The following UNC5C variants were observed in gnomAD, a reference collection of about 807,000 sequenced individuals.
The protein encoded by UNC5C is netrin receptor UNC5C.
In UNC5C, 47 loss-of-function variants were observed where a neutral mutation model predicts 99.8. That is an observed-to-expected ratio of 0.47 (90% CI 0.37 to 0.60). UNC5C has a LOEUF of 0.60. Among genes scored for constraint, UNC5C ranks in the 20% least tolerant of loss-of-function variants. UNC5C has a pLI of 0.00. For synonymous variants in UNC5C, 487 were observed against 452.2 expected (o/e 1.08, Z -0.98); for missense variants, 1,062 against 1,165.9 (o/e 0.91, Z 1.30).
At chr4:95,211,715 G>C (rs530778819) in intron 10 of UNC5C, among the ~76,000 whole-genome samples, 1 of 152,172 alleles carries the variant, frequency 6.6e-6, no homozygotes, top group South Asian at 2.1e-4. Flanking sequence ...CTAACCGCTC[G>C]CCTACTTTAT....
chr4:95,265,243 C>T (rs923508088), intron 4 of UNC5C, among the ~76,000 whole-genome samples: 2 of 152,176 alleles, frequency 1.3e-5, no homozygotes, highest in African/African-American at 4.8e-5. Flanking sequence ...TCTATTCATA[C>T]TTCCAATTAC....
At chr4:95,300,647 A>AT (rs1261079122) in intron 3 of UNC5C, among the ~76,000 whole-genome samples, 2 of 152,200 alleles carry the variant, frequency 1.3e-5, no homozygotes, top group Non-Finnish European at 2.9e-5. Flanking sequence ...TTCCTACTAG[A>AT]TTTTTTACAA....
At chr4:95,251,851 C>A (rs1472404782) in intron 4 of UNC5C, among the ~76,000 whole-genome samples, 3 of 152,028 alleles carry the variant, frequency 2.0e-5, no homozygotes, top group African/African-American at 7.3e-5. Flanking sequence ...CTCCTCTAAT[C>A]CTTAGAAGAG....
chr4:95,271,979 C>T (rs1740682372), intron 4 of UNC5C, among the ~76,000 whole-genome samples: 1 of 152,170 alleles, frequency 6.6e-6, no homozygotes, highest in Admixed American at 6.5e-5. Flanking sequence ...GCTCCCATCA[C>T]CTGGAGCTTT....
intron 4 of UNC5C, among the ~76,000 whole-genome samples, chr4:95,253,821 C>T (rs929714537): frequency 6.6e-6 from 1 of 152,140 alleles, no homozygotes; most frequent in African/African-American, 2.4e-5. Context: ...GCAGGCCGCC[C>T]CTCACCTCCT....
At chr4:95,495,690 T>C (rs1721611444) in intron 1 of UNC5C, among the ~76,000 whole-genome samples, 2 of 151,574 alleles carry the variant, frequency 1.3e-5, no homozygotes, top group Non-Finnish European at 3.0e-5. Flanking sequence ...AAATGGCTAT[T>C]AAATGGCAGA....
chr4:95,318,064 G>A (rs1162413520), intron 2 of UNC5C, among the ~76,000 whole-genome samples: 2 of 152,184 alleles, frequency 1.3e-5, no homozygotes, highest in Non-Finnish European at 2.9e-5. Flanking sequence ...GAGATGAACA[G>A]CCTGGGAGGA....
At chr4:95,542,996 G>A (rs998462496) in intron 1 of UNC5C, among the ~76,000 whole-genome samples, 6 of 151,810 alleles carry the variant, frequency 4.0e-5, no homozygotes, top group Admixed American at 2.6e-4. Context: ...TTTGAATATC[G>A]CTCAAGGCAA....
Position 95,399,902 on chromosome 4 carries a change from A to G in UNC5C, c.125-64271T>C, listed in dbSNP as rs575587520. The stretch of plus-strand genomic sequence containing the variant: ...TTTGTCTTTCATGTTAGTCTTCCCC[A>G]TTAGACTATGCTTTACAGCTATAGG... On this transcript the variant is annotated intron_variant, in intron 1 of 15. Coordinates refer to ENST00000453304, the MANE Select transcript of UNC5C (RefSeq NM_003728.4). Among the ~76,000 whole-genome samples, 83 of 152,258 alleles carry G rather than the reference A, an allele frequency of 5.5e-4. 1 individual carries two copies. The South Asian group carries it at 0.016, about 30-fold the overall frequency.
At chr4:95,436,996 T>TG (rs1746813845) in intron 1 of UNC5C, among the ~76,000 whole-genome samples, 3 of 79,524 alleles carry the variant, frequency 3.8e-5, no homozygotes, top group African/African-American at 1.4e-4. Context: ...TTTTCTTTCT[T>TG]GAAAAAAAAA....
At chr4:95,393,584 A>G (rs1460810263) in intron 1 of UNC5C, among the ~76,000 whole-genome samples, 2 of 152,176 alleles carry the variant, frequency 1.3e-5, no homozygotes, top group African/African-American at 4.8e-5. Context: ...ATTTCCAAAT[A>G]TTTAATTTTT....
intron 1 of UNC5C, among the ~76,000 whole-genome samples, chr4:95,448,542 A>G (rs188208783): frequency 6.6e-6 from 1 of 152,314 alleles, no homozygotes; most frequent in Admixed American, 6.5e-5. Flanking sequence ...AGGAAAGATA[A>G]GCAAAATGTC....
At chr4:95,377,662 G>T (rs552487987) in intron 1 of UNC5C, among the ~76,000 whole-genome samples, 1 of 152,166 alleles carries the variant, frequency 6.6e-6, no homozygotes, top group East Asian at 1.9e-4. Flanking sequence ...AGCAAAGAAA[G>T]ACCTCTCTCT....
intron 12 of UNC5C, among the ~76,000 whole-genome samples, chr4:95,191,807 T>C (rs1737112552): frequency 1.7e-5 from 2 of 118,664 alleles, no homozygotes; most frequent in Non-Finnish European, 3.5e-5. Flanking sequence ...TCTCACCTTC[T>C]CCCCTGCTCA....
intron 1 of UNC5C, among the ~76,000 whole-genome samples, chr4:95,406,045 A>AATGAAGATT (rs1745822231): frequency 6.6e-6 from 1 of 152,166 alleles, no homozygotes; most frequent in African/African-American, 2.4e-5. Context: ...GTTTGTTAAA[A>AATGAAGATT]ATGAAGATTA....
intron 3 of UNC5C, among the ~76,000 whole-genome samples, chr4:95,294,244 C>T (rs1741590865): frequency 6.6e-6 from 1 of 152,140 alleles, no homozygotes; most frequent in South Asian, 2.1e-4. Flanking sequence ...CTGTTTTAGA[C>T]AGTGTGCTGG....
intron 1 of UNC5C, among the ~76,000 whole-genome samples, chr4:95,547,387 AC>A (rs1723098741): frequency 6.6e-6 from 1 of 151,032 alleles, no homozygotes; most frequent in South Asian, 2.1e-4. Context: ...CGCTTCCAAC[AC>A]CCCCATCCCC....
chr4:95,487,668 T>C (rs1478712285), intron 1 of UNC5C, among the ~76,000 whole-genome samples: 3 of 151,690 alleles, frequency 2.0e-5, no homozygotes, highest in East Asian at 2.0e-4. Flanking sequence ...ATTAGAGAAC[T>C]CTCTCCTACC....
At chr4:95,440,088 G>C (rs560612654) in intron 1 of UNC5C, among the ~76,000 whole-genome samples, 65 of 152,272 alleles carry the variant, frequency 4.3e-4, no homozygotes, top group African/African-American at 1.6e-3. Context: ...TTCTGCCTCT[G>C]CTGTTCTCTG....
Sources: gnomAD v4.1 joint callset for allele counts (sites outside exome capture counted in the v4.1 genomes callset) on GRCh38, gnomAD v4.1.1 for gene constraint, MANE v1.5 for transcripts, NCBI Gene and HGNC (gene_info 2026-07-23, HGNC 2026-07-21) for gene names.